DGKK: variants seen among roughly 807,000 people sequenced by gnomAD.
DGKK encodes the protein 142 kDa diacylglycerol kinase.
In DGKK, 35 loss-of-function variants were observed where a neutral mutation model predicts 92.2. That is an observed-to-expected ratio of 0.38 (90% CI 0.29 to 0.50). The LOEUF (loss-of-function observed/expected upper bound fraction) is 0.50. Ranked by LOEUF, DGKK falls within the 20% of genes least tolerant of loss-of-function variation. The pLI, the probability that DGKK is intolerant of heterozygous loss-of-function variation, is 0.92. For synonymous variants in DGKK, 368 were observed against 360.6 expected (o/e 1.02, Z -0.23); for missense variants, 910 against 992.2 (o/e 0.92, Z 1.11).
Position 50,375,201 on chromosome X carries a change from A to G in DGKK, c.3415-144T>C, listed in dbSNP as rs1264056860. The G allele has an allele frequency of 1.3e-5, 6 of 447,204 alleles. No homozygotes were observed. The East Asian group carries it at 2.3e-4, about 17-fold the overall frequency. 36.9% of individuals were successfully genotyped at this position (447,204 alleles called of 1,213,427 possible). A position where few individuals can be genotyped will look rare whatever the true frequency, so the allele number is the denominator to read the frequency against. On this transcript the variant is annotated intron_variant, in intron 24 of 27. Coordinates refer to ENST00000611977, the MANE Select transcript of DGKK (RefSeq NM_001013742.4). ...TAGGTGAAAAAGCAATATTCAAAAT[A>G]TAGTACAACTAGCACAGCATGAGCT...
At chrX:50,408,536 G>A (rs1362232334) in intron 4 of DGKK, among the ~76,000 whole-genome samples, 1 of 109,922 alleles carries the variant, frequency 9.1e-6, no homozygotes, top group Non-Finnish European at 1.9e-5. Flanking sequence ...CCGCCACCAC[G>A]CCCGGCTAAT....
intron 1 of DGKK, among the ~76,000 whole-genome samples, chrX:50,447,817 G>T (rs1053561746): frequency 9.1e-6 from 1 of 109,929 alleles, no homozygotes; most frequent in Admixed American, 9.8e-5. Context: ...CAGTAACTCA[G>T]ATCTTCTGTA....
intron 12 of DGKK, among the ~76,000 whole-genome samples, chrX:50,389,674 C>T (rs1379484126): frequency 9.0e-6 from 1 of 111,648 alleles, no homozygotes; most frequent in East Asian, 2.8e-4. Flanking sequence ...CTGGCCTGGC[C>T]CCTGATTACT....
At chrX:50,432,490 C>A (rs1557230394) in intron 1 of DGKK, among the ~76,000 whole-genome samples, 1 of 112,310 alleles carries the variant, frequency 8.9e-6, no homozygotes, top group African/African-American at 3.2e-5. Context: ...ACTTAATATA[C>A]AATGAACCCT....
chrX:50,396,902 A>G (rs1369757893), intron 8 of DGKK, among the ~76,000 whole-genome samples: 5 of 112,400 alleles, frequency 4.4e-5, no homozygotes, highest in Non-Finnish European at 7.5e-5. Context: ...ATTTTAATTG[A>G]CAATTCACAT....
Position 50,404,117 on chromosome X carries a change from C to T in DGKK, c.1010G>A (p.Arg337Gln), listed in dbSNP as rs373857888. Residue 337 changes from arginine (R) to glutamine (Q), a missense_variant, in exon 5 of 28, where the codon CGG becomes CAG. Transcript: ENST00000611977. ...MHCWYSSYSH[R>Q]TQHCNVCRES... The stretch of plus-strand genomic sequence containing the variant: ...TCGACAAACATTGCAGTGCTGGGTC[C>T]GGTGGCTGTAACTGGAGTACCAACA... The T allele has an allele frequency of 9.1e-6, 11 of 1,208,376 alleles. No individual in the cohort carries two copies. The highest frequency in any genetic ancestry group is 6.6e-5 in the Admixed American group (3 of 45,600).
intron 20 of DGKK, among the ~76,000 whole-genome samples, chrX:50,378,992 A>G (rs1175989202): frequency 2.7e-5 from 3 of 111,938 alleles, no homozygotes; most frequent in Non-Finnish European, 5.6e-5. Context: ...GCATCCCAGG[A>G]GATTTTACTG....
intron 4 of DGKK, among the ~76,000 whole-genome samples, chrX:50,404,845 A>G (rs1466432648): frequency 4.5e-5 from 5 of 111,055 alleles, no homozygotes; most frequent in African/African-American, 6.6e-5. Flanking sequence ...TGGGCTAGGG[A>G]ATATTATAAT....
intron 27 of DGKK, 120 bp downstream of exon 27, chrX:50,370,306 C>A (rs1924086373): frequency 1.1e-6 from 1 of 923,055 alleles, no homozygotes; most frequent in African/African-American, 2.0e-5. Context: ...TCCCAGATGG[C>A]CTCCCGCTTC....
At chrX:50,464,628 C>T (rs999925097) in intron 1 of DGKK, among the ~76,000 whole-genome samples, 7 of 109,085 alleles carry the variant, frequency 6.4e-5, no homozygotes, top group Non-Finnish European at 5.7e-5. Context: ...TTATCCTTGG[C>T]GAGGTTGAAG....
intron 1 of DGKK, among the ~76,000 whole-genome samples, chrX:50,464,976 A>C (rs1557233825): frequency 9.0e-6 from 1 of 111,165 alleles, no homozygotes; most frequent in East Asian, 2.8e-4. Context: ...TCCATCTCTA[A>C]GGATTTGCCT....
In DGKK at chrX:50,371,765, G is replaced by C; in HGVS notation, c.3571C>G (p.Leu1191Val). 1 of 1,207,869 alleles carries C rather than the reference G, an allele frequency of 8.3e-7. No individual in the cohort carries two copies. The highest frequency in any genetic ancestry group is 1.1e-6 in the Non-Finnish European group (1 of 893,141). The change falls in exon 26 of 28, where the codon CTA becomes GTA. Residue 1191 changes from leucine (L) to valine (V), a missense_variant. Leu to Val is a conservative substitution (Grantham distance 32). Coordinates refer to ENST00000611977, the MANE Select transcript of DGKK (RefSeq NM_001013742.4). The part of the protein sequence containing the change: ...LDAMNKEFKK[L>V]SEIDWMNPIF... ...GGATTCATCCAGTCAATCTCAGATA[G>C]CTTTTTGAACTCCTTATTCATGGCA...
chrX:50,464,192 A>T (rs1926835012), intron 1 of DGKK, among the ~76,000 whole-genome samples: 1 of 104,532 alleles, frequency 9.6e-6, no homozygotes, highest in Non-Finnish European at 2.0e-5. Flanking sequence ...GGTCTTTGTG[A>T]CATTGAAGTA....
Position 50,392,345 on chromosome X carries a change from T to A in DGKK, c.1700A>T (p.Glu567Val). 3.3e-6 allele frequency: 4 copies of A among 1,199,714 alleles called. No individual in the cohort carries two copies. Among genetic ancestry groups the A allele is most frequent in the Non-Finnish European group, 3.4e-6 (3 of 884,390 alleles). ...LSLIDAFGLH[E>V]KCQLAVIPLG... ...CTGAGTCATCCAGGGACTTACCTTT[T>A]CATGTAATCCAAAGGCATCAATCAG... The change falls in exon 10 of 28, where the codon GAA (glutamate) becomes GTA (valine). Residue 567 changes from glutamate to valine, a missense_variant. Transcript: ENST00000611977.
chrX:50,386,313 T>G, intron 15 of DGKK, 45 bp downstream of exon 15: 1 of 1,077,473 alleles, frequency 9.3e-7, no homozygotes, highest in Non-Finnish European at 1.3e-6. Context: ...CCTCTGGAAC[T>G]TTTTCTTTCC....
chrX:50,412,897 G>A (rs1026735270), intron 4 of DGKK, among the ~76,000 whole-genome samples: 12 of 111,395 alleles, frequency 1.1e-4, no homozygotes, highest in Admixed American at 8.5e-4. Context: ...GAACCAGGCC[G>A]CACAATAGGA....
intron 4 of DGKK, among the ~76,000 whole-genome samples, chrX:50,415,616 C>T (rs1295271864): frequency 1.8e-5 from 2 of 111,875 alleles, no homozygotes; most frequent in Non-Finnish European, 3.8e-5. Flanking sequence ...AGTTGGAGAC[C>T]ATCTGTATTC....
At position 50,431,056 on chromosome X, in the gene DGKK, G is replaced by C. The variant is rs990391462; in HGVS notation, c.646-6698C>G. ...TTGGTGCATTTTTTTTTAAGAGACA[G>C]GGTCTTGTTCTGTCACCCAGGCTGA... On this transcript the variant is annotated intron_variant, in intron 1 of 27. Coordinates refer to ENST00000611977, the MANE Select transcript of DGKK (RefSeq NM_001013742.4). 6.4e-5 allele frequency among the ~76,000 whole-genome samples: 7 copies of C among 110,038 alleles called. No individual in the cohort carries two copies. In the Admixed American group the frequency reaches 6.8e-4, roughly 11 times the overall value.
At chrX:50,448,206 A>G (rs1220356173) in intron 1 of DGKK, among the ~76,000 whole-genome samples, 1 of 109,744 alleles carries the variant, frequency 9.1e-6, no homozygotes, top group African/African-American at 3.3e-5. Context: ...TTTCCATCTC[A>G]TACCCAGTAC....
Sources: allele counts gnomAD v4.1 joint callset (sites outside exome capture counted in the v4.1 genomes callset), GRCh38; gene constraint gnomAD v4.1.1; transcripts MANE v1.5; gene names NCBI Gene and HGNC (gene_info 2026-07-23, HGNC 2026-07-21).